The following KLF16 variants were observed in gnomAD, a reference collection of about 807,000 sequenced individuals.
KLF16 encodes Krueppel-like factor 16.
In KLF16, 6 loss-of-function variants were observed where a neutral mutation model predicts 6.1. That is an observed-to-expected ratio of 0.98 (90% CI 0.54 to 1.93). The LOEUF is 1.93. KLF16 is among the 30% of genes most tolerant of loss of function. The probability of loss-of-function intolerance (pLI) is 0.01; values close to 1 mark genes in which losing one functional copy is unlikely to be tolerated. For missense variants in KLF16, 355 were observed against 363.8 expected, an observed-to-expected ratio of 0.98 and a Z score of 0.20; for synonymous variants, 211 against 176.5, an observed-to-expected ratio of 1.20 and a Z score of -1.55.
rs902971530 is a variant in KLF16, at chr19:1,863,137, A to C, written c.361T>G (p.Ser121Ala). Residue 121 changes from serine (S) to alanine (A), a missense_variant, in exon 1 of 2, where the codon TCC becomes GCC. Physicochemically the swap from Ser to Ala is moderately conservative, Grantham distance 99. Coordinates refer to ENST00000250916, the MANE Select transcript of KLF16 (RefSeq NM_031918.4). ...CAGCGGTGGCTCTTGGCGGCGGCGG[A>C]GGGCGCGGCGCCGGGGGCGCGGCCC... ...SSGRAPGAAPSAAAKSHRCPF... is the reference protein window; with the variant it reads ...SSGRAPGAAPAAAAKSHRCPF... 7.5e-7 allele frequency: 1 copy of C among 1,332,694 alleles called. No individual in the cohort carries two copies. Among genetic ancestry groups the C allele is most frequent in the South Asian group, 1.6e-5 (1 of 61,044 alleles). The allele number at this position is 1,332,694 out of a possible 1,614,324, so 82.6% of individuals were successfully genotyped here. A position where few individuals can be genotyped will look rare whatever the true frequency, so the allele number is the denominator to read the frequency against.
Position 1,863,149 on chromosome 19 carries a change from C to CG in KLF16, c.348dup (p.Gly117ArgfsTer44). ...TTGGCGGCGGCGGAGGGCGCGGCGC[C>CG]GGGGGCGCGGCCCGAGGACGGGGAC... is the stretch of plus-strand genomic sequence containing the variant. On this transcript the variant is annotated frameshift_variant, in exon 1 of 2. Transcript: ENST00000250916. LOFTEE classifies it high-confidence loss of function. 2 of 1,310,962 alleles carry CG rather than the reference C, an allele frequency of 1.5e-6. No individual in the cohort carries two copies. Among genetic ancestry groups the CG allele is most frequent in the South Asian group, 1.7e-5 (1 of 57,404 alleles). 81.2% of individuals were successfully genotyped at this position (1,310,962 alleles called of 1,614,324 possible).
chr19:1,867,441 A>G (rs1211278390), upstream of KLF16, among the ~76,000 whole-genome samples: 1 of 152,230 alleles, frequency 6.6e-6, no homozygotes, highest in East Asian at 1.9e-4. Context: ...CAGGCATGGT[A>G]GTGCACGCCT....
At chr19:1,855,062 C>T (rs995129550) in intron 1 of KLF16, among the ~76,000 whole-genome samples, 23 of 152,192 alleles carry the variant, frequency 1.5e-4, no homozygotes, top group African/African-American at 5.6e-4. Flanking sequence ...AAGGCTGAAG[C>T]TCCCCAGGCC....
intron 1 of KLF16, among the ~76,000 whole-genome samples, chr19:1,855,810 C>CGAA (rs2011938515): frequency 6.6e-6 from 1 of 152,244 alleles, no homozygotes. Flanking sequence ...CCTGCATCCC[C>CGAA]GAAGCTCCCA....
chr19:1,865,493 G>C (rs2145373177), upstream of KLF16, among the ~76,000 whole-genome samples: 1 of 152,370 alleles, frequency 6.6e-6, no homozygotes. Context: ...GCTTAGAGCA[G>C]AACCAACCAG....
rs2011980296 is a variant in KLF16, at chr19:1,857,570, A to G, written c.458-2810T>C. On this transcript the variant is annotated intron_variant, in intron 1 of 1. Transcript: ENST00000250916. This position sits in a 1 kb window ranked among gnomAD's most constrained non-coding sequence, Gnocchi z 4.7. ...CTGGCCCGGCCCCGTCTGAGCCGGC[A>G]CAGGAGGGGCCTGGAGACAGGACTG... 6.6e-6 allele frequency among the ~76,000 whole-genome samples: 1 copy of G among 152,036 alleles called. No individual in the cohort carries two copies.
At chr19:1,858,341 G>A (rs978460691) in intron 1 of KLF16, among the ~76,000 whole-genome samples, 4 of 152,162 alleles carry the variant, frequency 2.6e-5, no homozygotes, top group African/African-American at 4.8e-5. Context: ...GATCCTGCCC[G>A]GAGCTTCTCT....
rs1216603352 is a variant in KLF16, at chr19:1,854,343, A to G, written c.*116T>C. ...CCCTCCTCACTCTCTGGAGGGGGGC[A>G]GGGGTGTCTTCAGGGTTTGCCCACG... On this transcript the variant is annotated 3_prime_UTR_variant, in exon 2 of 2. Coordinates refer to ENST00000250916, the MANE Select transcript of KLF16 (RefSeq NM_031918.4). 8.0e-7 allele frequency: 1 copy of G among 1,245,530 alleles called. No individual in the cohort carries two copies. Among genetic ancestry groups the G allele is most frequent in the Non-Finnish European group, 1.0e-6 (1 of 965,866 alleles). 77.2% of individuals were successfully genotyped at this position (1,245,530 alleles called of 1,614,324 possible).
chr19:1,869,721 C>G, the KLF16 span, among the ~76,000 whole-genome samples: 5 of 152,132 alleles, frequency 3.3e-5, no homozygotes, highest in Non-Finnish European at 4.4e-5. Flanking sequence ...ATCCTCACAC[C>G]TCAGCTTCCC....
At chr19:1,873,534 G>C in the KLF16 span, among the ~76,000 whole-genome samples, 5 of 151,860 alleles carry the variant, frequency 3.3e-5, no homozygotes, top group Non-Finnish European at 7.3e-5. Context: ...GGTGTACCAG[G>C]AGCAGGTGAC....
At position 1,863,330 on chromosome 19, in the gene KLF16, C is replaced by T. The variant is rs2012112435; in HGVS notation, c.168G>A (p.Pro56=). Reference sequence around the variant, plus strand: ...CGGCGGGGGGCGGCGGGGGTGGCCCCGGGGTCCCGGGTGAGGCGGCCTCGC... The same window carrying T: ...CGGCGGGGGGCGGCGGGGGTGGCCCTGGGGTCCCGGGTGAGGCGGCCTCGC... The part of the protein sequence containing the change: ...ARREAASPGT[P]GPPPPPPAAS... Residue 56 remains proline, a synonymous_variant, in exon 1 of 2, where the codon CCG becomes CCA. Coordinates refer to ENST00000250916, the MANE Select transcript of KLF16 (RefSeq NM_031918.4). 1.0e-6 allele frequency: 1 copy of T among 980,812 alleles called. No individual in the cohort carries two copies. The highest frequency in any genetic ancestry group is 6.4e-5 in the Admixed American group (1 of 15,732). The allele number at this position is 980,812 out of a possible 1,614,324, so 60.8% of individuals were successfully genotyped here. A position where few individuals can be genotyped will look rare whatever the true frequency, so the allele number is the denominator to read the frequency against.
chr19:1,870,894 G>A, the KLF16 span, among the ~76,000 whole-genome samples: 1 of 152,224 alleles, frequency 6.6e-6, no homozygotes, highest in Non-Finnish European at 1.5e-5. Context: ...TACTCGGGAG[G>A]CTGAGGCAGG....
At position 1,863,531 on chromosome 19, in the gene KLF16, CGG is replaced by C. The variant is rs1599196848; in HGVS notation, c.-36_-35del. ...AGGGCGCGCGGCGCGGCGGGCGGAG[CGG>C]AGGCGGCGGGAGCGGCGTCCGTCCG... On this transcript the variant is annotated 5_prime_UTR_variant, in exon 1 of 2. Coordinates refer to ENST00000250916, the MANE Select transcript of KLF16 (RefSeq NM_031918.4). The C allele has an allele frequency of 5.2e-6, 5 of 957,598 alleles. 1 individual carries two copies. The East Asian group carries it at 4.6e-4, about 88-fold the overall frequency. The allele number at this position is 957,598 out of a possible 1,614,324, so 59.3% of individuals were successfully genotyped here.
the KLF16 span, among the ~76,000 whole-genome samples, chr19:1,871,313 C>T: frequency 5.3e-5 from 8 of 152,198 alleles, no homozygotes; most frequent in African/African-American, 1.9e-4. Flanking sequence ...GACAGGCCTG[C>T]AGGGACCCAG....
intron 1 of KLF16, among the ~76,000 whole-genome samples, chr19:1,855,909 G>A (rs539227553): frequency 6.6e-6 from 1 of 152,380 alleles, no homozygotes; most frequent in East Asian, 1.9e-4. Flanking sequence ...TGTGGATGGA[G>A]ACCGGATGTG....
chr19:1,862,706 A>G (rs1449144621), intron 1 of KLF16: 6 of 242,112 alleles, frequency 2.5e-5, no homozygotes, highest in African/African-American at 9.3e-5. Context: ...CGCCCAGACC[A>G]GAACGCAAAA....
At chr19:1,862,850 C>A (rs2012096861) in intron 1 of KLF16, 191 bp downstream of exon 1, 1 of 278,380 alleles carries the variant, frequency 3.6e-6, no homozygotes, top group South Asian at 1.5e-4. Context: ...CCGCTCGCCG[C>A]CCGACCGCGT....
rs1473996461 is a variant in KLF16 at position 1,852,637 on chromosome 19, C to T, written c.*1822G>A. On this transcript the variant is annotated 3_prime_UTR_variant, in exon 2 of 2. Transcript: ENST00000250916. Reference sequence around the variant, plus strand: ...TTATAGAGTTCTGGAACCCACAGCCCTACCTACCCCTGCTCCAGACAGGCC... The same window carrying T: ...TTATAGAGTTCTGGAACCCACAGCCTTACCTACCCCTGCTCCAGACAGGCC... The T allele has an allele frequency of 6.6e-6, 1 of 152,238 alleles. No individual in the cohort carries two copies. Among genetic ancestry groups the T allele is most frequent in the East Asian group, 1.9e-4 (1 of 5,186 alleles). 9.4% of individuals were successfully genotyped at this position (152,238 alleles called of 1,614,324 possible).
chr19:1,854,683 G>C lies in KLF16; in HGVS notation c.535C>G (p.Arg179Gly). 6.2e-7 allele frequency: 1 copy of C among 1,600,598 alleles called. No individual in the cohort carries two copies. The highest frequency in any genetic ancestry group is 8.5e-7 in the Non-Finnish European group (1 of 1,179,636). ...ARSDELARHH[R>G]THTGEKRFSC... ...AAGCGCTTCTCGCCCGTGTGCGTCCGGTGGTGGCGGGCCAGCTCGTCGGAG... is the reference window on the plus strand; with the variant it reads ...AAGCGCTTCTCGCCCGTGTGCGTCCCGTGGTGGCGGGCCAGCTCGTCGGAG... Residue 179 changes from arginine (R) to glycine (G), a missense_variant, in exon 2 of 2, where the codon CGG (arginine) becomes GGG (glycine). Physicochemically the swap from Arg to Gly is moderately radical, Grantham distance 125. Coordinates refer to ENST00000250916, the MANE Select transcript of KLF16 (RefSeq NM_031918.4).
Sources: allele counts gnomAD v4.1 joint callset (sites outside exome capture counted in the v4.1 genomes callset), GRCh38; gene constraint gnomAD v4.1.1; non-coding constraint Gnocchi (gnomAD v3.1); transcripts MANE v1.5; gene names NCBI Gene and HGNC (gene_info 2026-07-23, HGNC 2026-07-21).